MRPL37: variants seen among roughly 807,000 people sequenced by gnomAD.
The protein encoded by MRPL37 is mitochondrial ribosomal protein L37, also known as large ribosomal subunit protein mL37.
In MRPL37, 34 loss-of-function variants were observed where a neutral mutation model predicts 44.1. The observed-to-expected ratio is 0.77, with a 90% CI of 0.59 to 1.03. The LOEUF is 1.03. Among genes scored for constraint, MRPL37 ranks in the 50% least tolerant of loss-of-function variants. The pLI, the probability that MRPL37 is intolerant of heterozygous loss-of-function variation, is 0.00. For missense variants in MRPL37, 532 were observed against 543.7 expected (o/e 0.98, Z 0.21); for synonymous variants, 212 against 219.5 (o/e 0.97, Z 0.30).
At chr1:54,209,062 C>T (rs1484378746) in intron 3 of MRPL37, among the ~76,000 whole-genome samples, 1 of 152,190 alleles carries the variant, frequency 6.6e-6, no homozygotes, top group Non-Finnish European at 1.5e-5. Context: ...AGGGAACTTC[C>T]CATTCCCAGA....
At chr1:54,208,548 C>CA (rs57185627) in intron 3 of MRPL37, among the ~76,000 whole-genome samples, 1,506 of 70,948 alleles carry the variant, frequency 0.021, 97 homozygotes, top group East Asian at 0.094. Context: ...GACTCCGTCT[C>CA]AAAAAAAAAA....
chr1:54,218,159 G>A lies in MRPL37; in HGVS notation c.1195-13G>A, dbSNP rs770081599. 6.5e-5 allele frequency: 104 copies of A among 1,608,308 alleles called. No individual in the cohort carries two copies. Among genetic ancestry groups the A allele is most frequent in the Admixed American group, 2.3e-4 (14 of 59,984 alleles). The stretch of plus-strand genomic sequence containing the variant: ...CCTAGTAGCAGGATCCTAATGAACC[G>A]TGTTCTTTCCAGGAACCTGTTGGCC... On this transcript the variant is annotated splice_polypyrimidine_tract_variant and intron_variant, in intron 6 of 6. Transcript: ENST00000360840.
chr1:54,210,727 T>A (rs1416769197), intron 4 of MRPL37, among the ~76,000 whole-genome samples: 1 of 152,210 alleles, frequency 6.6e-6, no homozygotes, highest in Admixed American at 6.5e-5. Flanking sequence ...CCCTTCATTG[T>A]CATAGCCACA....
downstream of MRPL37, among the ~76,000 whole-genome samples, chr1:54,224,880 T>C (rs1335313383): frequency 6.6e-6 from 1 of 152,048 alleles, no homozygotes; most frequent in Non-Finnish European, 1.5e-5. Flanking sequence ...TTCCAAAATT[T>C]AAGTAGACTG....
downstream of MRPL37, among the ~76,000 whole-genome samples, chr1:54,223,442 G>A (rs1644249821): frequency 6.6e-6 from 1 of 152,222 alleles, no homozygotes; most frequent in Non-Finnish European, 1.5e-5. Context: ...TGGGGCGGGG[G>A]ATTCCTCAGG....
intron 5 of MRPL37, among the ~76,000 whole-genome samples, chr1:54,214,229 T>C (rs984679993): frequency 2.0e-5 from 3 of 152,152 alleles, no homozygotes; most frequent in African/African-American, 7.2e-5. Flanking sequence ...TGAACTGAAA[T>C]TTCAGAACAT....
chr1:54,202,395 A>C (rs552369833), intron 1 of MRPL37, among the ~76,000 whole-genome samples: 1 of 152,288 alleles, frequency 6.6e-6, no homozygotes, highest in South Asian at 2.1e-4. Context: ...AGTGCCTTTC[A>C]TTTGTTACCA....
Position 54,200,482 on chromosome 1 carries a change from G to A in MRPL37, c.239G>A (p.Arg80His). ...LARPIFPPWD[R>H]GYKDPRFYRS... Reference sequence around the variant, plus strand: ...CGGCCGATCTTTCCGCCCTGGGACCGCGGCTACAAGGACCCAAGGTTCTAC... The same window carrying A: ...CGGCCGATCTTTCCGCCCTGGGACCACGGCTACAAGGACCCAAGGTTCTAC... Residue 80 changes from arginine (R) to histidine (H), a missense_variant, in exon 1 of 7, where the codon CGC (arginine) becomes CAC (histidine). By Grantham distance (29) the Arg-to-His change is conservative. Coordinates refer to ENST00000360840, the MANE Select transcript of MRPL37 (RefSeq NM_016491.4). The A allele has an allele frequency of 6.2e-7, 1 of 1,614,210 alleles. No individual in the cohort carries two copies. Among genetic ancestry groups the A allele is most frequent in the Non-Finnish European group, 8.5e-7 (1 of 1,180,038 alleles).
At chr1:54,204,304 C>G (rs1644105557) in intron 1 of MRPL37, among the ~76,000 whole-genome samples, 1 of 152,000 alleles carries the variant, frequency 6.6e-6, no homozygotes, top group Non-Finnish European at 1.5e-5. Context: ...ATCGCTTGAA[C>G]CTGGGAAGCG....
chr1:54,211,425 A>AC lies in MRPL37; in HGVS notation c.833-1074dup, dbSNP rs1411932954. Among the ~76,000 whole-genome samples the AC allele has an allele frequency of 8.6e-5, 13 of 152,018 alleles. No individual in the cohort carries two copies. In the East Asian group the frequency reaches 2.5e-3, roughly 29 times the overall value. On this transcript the variant is annotated intron_variant, in intron 4 of 6. Transcript: ENST00000360840. ...GCCGAATACCTGAGCAGGCTGAAGGACCAAACATGCAGGAGAGCCATGCCT... is the reference window on the plus strand; with the variant it reads ...GCCGAATACCTGAGCAGGCTGAAGGACCCAAACATGCAGGAGAGCCATGCCT...
chr1:54,207,142 C>T (rs1477267952), intron 3 of MRPL37, among the ~76,000 whole-genome samples: 1 of 152,212 alleles, frequency 6.6e-6, no homozygotes, highest in Non-Finnish European at 1.5e-5. Context: ...GGTATCTTTT[C>T]CTCCTCTGTG....
downstream of MRPL37, chr1:54,220,881 G>GTATT (rs1644229042): frequency 2.2e-6 from 1 of 452,580 alleles, no homozygotes; most frequent in African/African-American, 2.0e-5. Flanking sequence ...CATTGTGAAC[G>GTATT]TATTTCTCAC....
intron 5 of MRPL37, among the ~76,000 whole-genome samples, chr1:54,214,680 A>G (rs1389074373): frequency 6.6e-6 from 1 of 152,160 alleles, no homozygotes; most frequent in East Asian, 1.9e-4. Flanking sequence ...ACAACTAATT[A>G]CCACCCAGTT....
downstream of MRPL37, among the ~76,000 whole-genome samples, chr1:54,219,650 A>G (rs1243817581): frequency 1.3e-5 from 2 of 152,340 alleles, no homozygotes; most frequent in East Asian, 3.9e-4. Flanking sequence ...ATAAATGATA[A>G]AAGTTCAGAG....
intron 1 of MRPL37, among the ~76,000 whole-genome samples, chr1:54,200,916 G>A (rs1470172158): frequency 6.6e-6 from 1 of 152,188 alleles, no homozygotes; most frequent in Non-Finnish European, 1.5e-5. Context: ...GTTTTGACTG[G>A]ACAGTCCACA....
chr1:54,205,613 G>A (rs781176003), intron 3 of MRPL37, among the ~76,000 whole-genome samples: 6 of 152,260 alleles, frequency 3.9e-5, no homozygotes, highest in Admixed American at 6.5e-5. Flanking sequence ...TTTCTAAGAC[G>A]TTAATTCAAC....
chr1:54,210,199 G>T lies in MRPL37; in HGVS notation c.832+68G>T, dbSNP rs1168074933. 26 of 1,509,394 alleles carry T rather than the reference G, an allele frequency of 1.7e-5. 1 individual carries two copies. The highest frequency in any genetic ancestry group is 2.7e-6 in the Non-Finnish European group (3 of 1,102,034). The allele number at this position is 1,509,394 out of a possible 1,614,324, so 93.5% of individuals were successfully genotyped here. ...AGGACATGCTTTTTCTGGAGGGAAAGGATATACTAAGAACTTGCTAGGTGC... is the reference window on the plus strand; with the variant it reads ...AGGACATGCTTTTTCTGGAGGGAAATGATATACTAAGAACTTGCTAGGTGC... On this transcript the variant is annotated intron_variant, in intron 4 of 6. Coordinates refer to ENST00000360840, the MANE Select transcript of MRPL37 (RefSeq NM_016491.4).
intron 3 of MRPL37, among the ~76,000 whole-genome samples, chr1:54,206,869 G>A (rs112153779): frequency 0.025 from 3,721 of 151,622 alleles, 122 homozygotes; most frequent in South Asian, 0.13. Flanking sequence ...CAAGTAGCTG[G>A]GATTACAGGT....
At chr1:54,205,811 T>TGCTA (rs1366909695) in intron 3 of MRPL37, among the ~76,000 whole-genome samples, 12 of 152,256 alleles carry the variant, frequency 7.9e-5, no homozygotes, top group Non-Finnish European at 1.5e-4. Flanking sequence ...CATCATGGCC[T>TGCTA]GCTAGAGTGA....
Sources: allele counts gnomAD v4.1 joint callset (sites outside exome capture counted in the v4.1 genomes callset), GRCh38; gene constraint gnomAD v4.1.1; transcripts MANE v1.5; gene names NCBI Gene and HGNC (gene_info 2026-07-23, HGNC 2026-07-21).